Variants in NTRK3 observed in about 807,000 individuals in gnomAD.
NTRK3 encodes the protein neurotrophic receptor tyrosine kinase 3.
NTRK3 carries 24 observed loss-of-function variants against 91.7 expected under a neutral mutation model. The ratio of observed to expected loss-of-function variants is 0.26; its 90% CI spans 0.19 to 0.37. The LOEUF is 0.37. Ranked by LOEUF, NTRK3 falls within the 10% of genes least tolerant of loss-of-function variation. The probability of loss-of-function intolerance (pLI) is 1.00; values close to 1 mark genes in which losing one functional copy is unlikely to be tolerated. For synonymous variants in NTRK3, 483 were observed against 404.0 expected (o/e 1.20, Z -2.34); for missense variants, 880 against 1,068.9 (o/e 0.82, Z 2.46).
At chr15:87,931,612 C>T (rs2068803549) in intron 16 of NTRK3, among the ~76,000 whole-genome samples, 1 of 152,162 alleles carries the variant, frequency 6.6e-6, no homozygotes, top group South Asian at 2.1e-4. Context: ...CTGTCTTATG[C>T]TAAAGACAAA....
chr15:88,196,001 A>G (rs2047783514), intron 3 of NTRK3, among the ~76,000 whole-genome samples: 1 of 152,230 alleles, frequency 6.6e-6, no homozygotes, highest in Non-Finnish European at 1.5e-5. Context: ...ACCCGCATGG[A>G]GGACTTAATT....
chr15:87,999,707 C>T lies in NTRK3; in HGVS notation c.1585+33150G>A, dbSNP rs143712423. Reference sequence around the variant, plus strand: ...GAAAAGTTTATCTTTAAGACTACATCTTTCAGACTTAGGATAGGCTCATGG... The same window carrying T: ...GAAAAGTTTATCTTTAAGACTACATTTTTCAGACTTAGGATAGGCTCATGG... On this transcript the variant is annotated intron_variant, in intron 14 of 18. Transcript: ENST00000394480. Among the ~76,000 whole-genome samples the T allele has an allele frequency of 1.6e-3, 247 of 152,272 alleles. 1 individual carries two copies. The highest frequency in any genetic ancestry group is 3.3e-3 in the Admixed American group (50 of 15,298).
chr15:88,255,861 G>T lies in NTRK3; in HGVS notation c.248+45C>A. ...GGCCGCGGGTGGGCAGGAGGGAGACGCAGAGCGCGGGGGAGGCAGGCTGGG... is the reference window on the plus strand; with the variant it reads ...GGCCGCGGGTGGGCAGGAGGGAGACTCAGAGCGCGGGGGAGGCAGGCTGGG... On this transcript the variant is annotated intron_variant, in intron 3 of 18. Transcript: ENST00000394480. This position sits in a 1 kb window ranked among gnomAD's most constrained non-coding sequence, Gnocchi z 4.3. 2 of 1,560,406 alleles carry T rather than the reference G, an allele frequency of 1.3e-6. No homozygotes were observed. Among genetic ancestry groups the T allele is most frequent in the East Asian group, 2.4e-5 (1 of 42,120 alleles).
At position 88,037,022 on chromosome 15, in the gene NTRK3, C is replaced by G. The variant is rs536713835; in HGVS notation, c.1397-3977G>C. Among the ~76,000 whole-genome samples the G allele has an allele frequency of 9.8e-5, 15 of 152,326 alleles. 1 individual carries two copies. The South Asian group carries it at 3.1e-3, about 32-fold the overall frequency. On this transcript the variant is annotated intron_variant, in intron 13 of 18. Transcript: ENST00000394480. ...GGATCTAAAACAGTCTCCACCTTCT[C>G]TACCTTATTTGAGGATTTGAAAAAG...
At chr15:88,152,635 T>C (rs1459777973) in intron 5 of NTRK3, among the ~76,000 whole-genome samples, 1 of 152,236 alleles carries the variant, frequency 6.6e-6, no homozygotes, top group Non-Finnish European at 1.5e-5. Flanking sequence ...GACTGTGGCA[T>C]TGAGTTCTAG....
At chr15:87,876,932 C>CT in exon 19 of NTRK3, 8 of 1,613,878 alleles carry the variant, frequency 5.0e-6, no homozygotes, top group Non-Finnish European at 6.8e-6. Context: ...CCACCAGCCA[C>CT]CACTAGCCAA....
intron 14 of NTRK3, among the ~76,000 whole-genome samples, chr15:87,975,565 T>C (rs1403553779): frequency 6.6e-6 from 1 of 152,218 alleles, no homozygotes; most frequent in Non-Finnish European, 1.5e-5. Flanking sequence ...CAGTCCAAAC[T>C]GGCATCTTTC....
intron 3 of NTRK3, among the ~76,000 whole-genome samples, chr15:88,222,233 ACT>A (rs2050295056): frequency 1.3e-5 from 2 of 152,092 alleles, no homozygotes; most frequent in Non-Finnish European, 2.9e-5. Context: ...ACTATATATG[ACT>A]CTTATGCCAG....
At chr15:88,181,949 A>G (rs914831567) in intron 5 of NTRK3, among the ~76,000 whole-genome samples, 13 of 152,196 alleles carry the variant, frequency 8.5e-5, no homozygotes, top group African/African-American at 3.1e-4. Flanking sequence ...AGGATGTTTT[A>G]CAGTGAAACT....
chr15:88,082,879 T>C (rs1270275888), intron 13 of NTRK3, among the ~76,000 whole-genome samples: 2 of 152,132 alleles, frequency 1.3e-5, no homozygotes, highest in Non-Finnish European at 2.9e-5. Context: ...CACAAAGACT[T>C]CTCTTGCCCA....
intron 10 of NTRK3, among the ~76,000 whole-genome samples, chr15:88,129,597 C>A (rs2053612543): frequency 1.3e-5 from 2 of 152,106 alleles, no homozygotes; most frequent in South Asian, 4.1e-4. Context: ...AGTGAGGATT[C>A]CTTGGAGAAA....
At chr15:87,954,007 A>AGTGTGTGTATGT (rs2071406183) in intron 14 of NTRK3, among the ~76,000 whole-genome samples, 1 of 127,636 alleles carries the variant, frequency 7.8e-6, no homozygotes, top group African/African-American at 2.9e-5. Context: ...AGACCTTTTC[A>AGTGTGTGTATGT]GTGTGTGTGT....
intron 13 of NTRK3, among the ~76,000 whole-genome samples, chr15:88,056,562 C>G (rs1353922739): frequency 6.6e-6 from 1 of 152,104 alleles, no homozygotes; most frequent in African/African-American, 2.4e-5. Context: ...GAGAAGAAAC[C>G]TGTTTCAAGA....
At chr15:88,176,864 C>T (rs947763937) in intron 5 of NTRK3, among the ~76,000 whole-genome samples, 4 of 151,982 alleles carry the variant, frequency 2.6e-5, no homozygotes, top group Admixed American at 6.6e-5. Flanking sequence ...GTAATAAAGG[C>T]GAAGGAAATT....
intron 13 of NTRK3, among the ~76,000 whole-genome samples, chr15:88,080,518 G>A (rs1184649609): frequency 6.6e-6 from 1 of 152,178 alleles, no homozygotes; most frequent in African/African-American, 2.4e-5. Context: ...GCCTGTTCCT[G>A]CTTTTTGTTT....
intron 5 of NTRK3, 106 bp from the exon 6 acceptor site, chr15:88,147,509 C>CTTCTTT: frequency 8.6e-6 from 1 of 116,046 alleles, no homozygotes; most frequent in East Asian, 2.0e-4. Context: ...TGTTTTCCTT[C>CTTCTTT]TTCTTCTTCT....
At chr15:88,035,131 G>T (rs74596817) in intron 13 of NTRK3, among the ~76,000 whole-genome samples, 170 of 152,338 alleles carry the variant, frequency 1.1e-3, no homozygotes, top group African/African-American at 3.5e-3. Context: ...GAGGCAAGAG[G>T]AGGAAAGAGG....
chr15:87,914,826 C>T (rs2067330327), intron 17 of NTRK3, among the ~76,000 whole-genome samples: 1 of 152,142 alleles, frequency 6.6e-6, no homozygotes, highest in Non-Finnish European at 1.5e-5. Context: ...AGGAAGGCAA[C>T]CAAGATTGTC....
intron 17 of NTRK3, among the ~76,000 whole-genome samples, chr15:87,914,883 C>T (rs952036936): frequency 2.0e-5 from 3 of 152,194 alleles, no homozygotes; most frequent in Admixed American, 2.0e-4. Flanking sequence ...CCACCACCTA[C>T]CAGTCAACTT....
Sources: gnomAD v4.1 joint callset for allele counts (sites outside exome capture counted in the v4.1 genomes callset) on GRCh38, gnomAD v4.1.1 for gene constraint, Gnocchi (gnomAD v3.1) non-coding constraint, MANE v1.5 for transcripts, NCBI Gene and HGNC (gene_info 2026-07-23, HGNC 2026-07-21) for gene names.